Variants in TTC4 observed in about 807,000 individuals in gnomAD.
TTC4 encodes tetratricopeptide repeat domain 4, also known as hsp70/Hsp90 co-chaperone CNS1 homolog.
In TTC4, 36 loss-of-function variants were observed where a neutral mutation model predicts 51.9. The observed-to-expected ratio is 0.69, with a 90% CI of 0.53 to 0.92. The LOEUF (loss-of-function observed/expected upper bound fraction) is 0.92. Ranked by LOEUF, TTC4 falls within the 40% of genes least tolerant of loss-of-function variation. The probability of loss-of-function intolerance (pLI) is 0.00; values close to 1 mark genes in which losing one functional copy is unlikely to be tolerated. For synonymous variants in TTC4, 144 were observed against 164.2 expected (o/e 0.88, Z 0.94); for missense variants, 399 against 454.6 (o/e 0.88, Z 1.11).
At chr1:54,736,257 A>G (rs1228458576) in intron 8 of TTC4, among the ~76,000 whole-genome samples, 1 of 126,930 alleles carries the variant, frequency 7.9e-6, no homozygotes, top group African/African-American at 3.8e-5. Context: ...GAGAGAGGAG[A>G]GAGAGAGAGA....
At chr1:54,736,511 CA>C (rs1645946985) in intron 8 of TTC4, among the ~76,000 whole-genome samples, 1 of 151,982 alleles carries the variant, frequency 6.6e-6, no homozygotes, top group Non-Finnish European at 1.5e-5. Context: ...GCTGGGACCA[CA>C]GGCGTTTGCC....
intron 3 of TTC4, among the ~76,000 whole-genome samples, chr1:54,720,314 C>A (rs191774128): frequency 1.3e-5 from 2 of 152,102 alleles, no homozygotes; most frequent in Admixed American, 6.5e-5. Flanking sequence ...ATTTTGCTGA[C>A]CCCTGGGCTA....
chr1:54,726,010 C>T (rs1193331030), intron 5 of TTC4, among the ~76,000 whole-genome samples: 1 of 151,990 alleles, frequency 6.6e-6, no homozygotes, highest in Non-Finnish European at 1.5e-5. Context: ...TAGTGGGGGT[C>T]CTAGAAGGAG....
chr1:54,729,199 G>A (rs899181583), intron 6 of TTC4, among the ~76,000 whole-genome samples: 2 of 152,188 alleles, frequency 1.3e-5, no homozygotes, highest in South Asian at 4.1e-4. Flanking sequence ...AGCAGAGCCC[G>A]TGATTTCATC....
intron 2 of TTC4, among the ~76,000 whole-genome samples, chr1:54,717,117 A>G (rs1645685967): frequency 6.6e-6 from 1 of 152,178 alleles, no homozygotes; most frequent in African/African-American, 2.4e-5. Context: ...GAGGAGGGGA[A>G]TTTGCACTCC....
chr1:54,721,044 A>G, intron 3 of TTC4, 119 bp from the exon 4 acceptor site: 1 of 908,590 alleles, frequency 1.1e-6, no homozygotes, highest in Non-Finnish European at 1.7e-6. Flanking sequence ...TCAAAAAAAC[A>G]GTTGCTCTCA....
At chr1:54,738,949 C>T (rs1451535626) in intron 9 of TTC4, among the ~76,000 whole-genome samples, 2 of 152,140 alleles carry the variant, frequency 1.3e-5, no homozygotes, top group Non-Finnish European at 2.9e-5. Context: ...AGGCGAGCCA[C>T]TGCACCCGGC....
intron 6 of TTC4, among the ~76,000 whole-genome samples, chr1:54,730,174 G>C (rs1343932081): frequency 6.6e-6 from 1 of 151,858 alleles, no homozygotes. Flanking sequence ...AAACAGATTA[G>C]AATACTCCAG....
intron 9 of TTC4, among the ~76,000 whole-genome samples, chr1:54,740,139 CACTCCAGCCTAGGTGAGAGTGAG>C (rs140663351): frequency 0.051 from 7,715 of 152,254 alleles, 216 homozygotes; most frequent in South Asian, 0.075. Context: ...CACACCACTG[CACTCCAGCCTAGGTGAGAGTGAG>C]ACCCCCTCCT....
intron 5 of TTC4, among the ~76,000 whole-genome samples, chr1:54,724,719 G>A (rs1454199911): frequency 6.6e-6 from 1 of 152,064 alleles, no homozygotes; most frequent in Admixed American, 6.5e-5. Context: ...ACAAATAGGT[G>A]GAAATATCAA....
rs12097466 is a variant in TTC4, at chr1:54,726,029, G to A, written c.595-2317G>A. The stretch of plus-strand genomic sequence containing the variant: ...GGGGGTCCTAGAAGGAGAGAAGAGA[G>A]AGAATGGGCAAAAGAATACTTGGGG... On this transcript the variant is annotated intron_variant, in intron 5 of 9. Coordinates refer to ENST00000371281, the MANE Select transcript of TTC4 (RefSeq NM_004623.5). Among the ~76,000 whole-genome samples the A allele has an allele frequency of 3.7e-3, 568 of 152,310 alleles. 6 individuals carry two copies. Among genetic ancestry groups the A allele is most frequent in the African/African-American group, 0.013 (532 of 41,560 alleles).
At chr1:54,731,755 G>A in intron 7 of TTC4, 55 bp downstream of exon 7, 1 of 1,550,682 alleles carries the variant, frequency 6.4e-7, no homozygotes, top group South Asian at 1.2e-5. Flanking sequence ...CTCTGTTTTT[G>A]TGGCAGGAGG....
intron 7 of TTC4, among the ~76,000 whole-genome samples, chr1:54,733,092 T>G (rs867918265): frequency 1.5e-5 from 2 of 137,862 alleles, no homozygotes; most frequent in African/African-American, 3.0e-5. Context: ...AGACTTTGTC[T>G]CAAAAAAAAA....
Position 54,731,675 on chromosome 1 carries a change from A to G in TTC4, c.871A>G (p.Ile291Val), listed in dbSNP as rs1553181146. 1.9e-6 allele frequency: 3 copies of G among 1,614,060 alleles called. No individual in the cohort carries two copies. In the South Asian group the frequency reaches 3.3e-5, roughly 18 times the overall value. ...CCCAGAGTATGCCCAGTCGGACTTCATCTCTGCTTTTCATGAGGACTCCAG... is the reference window on the plus strand; with the variant it reads ...CCCAGAGTATGCCCAGTCGGACTTCGTCTCTGCTTTTCATGAGGACTCCAG... ...LYPEYAQSDF[I>V]SAFHEDSRFI... Residue 291 changes from isoleucine to valine, a missense_variant, in exon 7 of 10, where the codon ATC becomes GTC. Ile to Val is a conservative substitution (Grantham distance 29). Around this residue, in one of 3 missense-constraint regions of TTC4, gnomAD observed 316 missense variants for 349.6 expected, o/e 0.90. Transcript: ENST00000371281.
chr1:54,737,470 G>GAGGC (rs1311975039), intron 8 of TTC4, 112 bp from the exon 9 acceptor site: 8 of 841,900 alleles, frequency 9.5e-6, no homozygotes, highest in Non-Finnish European at 1.5e-5. Context: ...CCATATAAAG[G>GAGGC]AGGCATTCAA....
At chr1:54,736,064 A>G (rs1304789498) in intron 8 of TTC4, among the ~76,000 whole-genome samples, 7 of 152,016 alleles carry the variant, frequency 4.6e-5, no homozygotes, top group Non-Finnish European at 1.0e-4. Context: ...TCTCTGTGCA[A>G]TAAGTGTATA....
In TTC4 at chr1:54,741,730, G is replaced by A; in HGVS notation, c.*217G>A. 5.2e-6 allele frequency: 3 copies of A among 579,078 alleles called. No individual in the cohort carries two copies. The highest frequency in any genetic ancestry group is 9.2e-6 in the Non-Finnish European group (3 of 326,088). The allele number at this position is 579,078 out of a possible 1,614,324, so 35.9% of individuals were successfully genotyped here. On this transcript the variant is annotated 3_prime_UTR_variant, in exon 10 of 10. Coordinates refer to ENST00000371281, the MANE Select transcript of TTC4 (RefSeq NM_004623.5). ...TTCCTCAGTTGATATAAAACTCTGG[G>A]TCTTGGCCATGATGTCCTTGGACTC...
In TTC4 at chr1:54,733,710, G is replaced by C; in HGVS notation, c.978G>C (p.Glu326Asp). The C allele has an allele frequency of 6.4e-7, 1 of 1,573,730 alleles. No homozygotes were observed. The highest frequency in any genetic ancestry group is 1.4e-5 in the African/African-American group (1 of 73,362). ...LEQKYCPDNL[E>D]VYFEDEDRAE... Reference sequence around the variant, plus strand: ...AAAAATATTGCCCTGATAATTTGGAGGTAAGAGAAGTTTTATTTCGTTCCT... The same window carrying C: ...AAAAATATTGCCCTGATAATTTGGACGTAAGAGAAGTTTTATTTCGTTCCT... Residue 326 changes from glutamate to aspartate, a missense_variant and splice_region_variant, in exon 8 of 10, where the codon GAG (glutamate) becomes GAC (aspartate). By Grantham distance (45) the Glu-to-Asp change is conservative. Coordinates refer to ENST00000371281, the MANE Select transcript of TTC4 (RefSeq NM_004623.5).
chr1:54,737,311 T>C (rs1269207752), intron 8 of TTC4: 2 of 383,452 alleles, frequency 5.2e-6, no homozygotes, highest in Non-Finnish European at 9.6e-6. Flanking sequence ...CCTTGAGTCT[T>C]GATTCTTCTG....
Sources: allele counts gnomAD v4.1 joint callset (sites outside exome capture counted in the v4.1 genomes callset), GRCh38; gene constraint gnomAD v4.1.1; regional missense constraint gnomAD v4.1.1; transcripts MANE v1.5; gene names NCBI Gene and HGNC (gene_info 2026-07-23, HGNC 2026-07-21).